The following GAS7 variants were observed in gnomAD, a reference collection of about 807,000 sequenced individuals.
GAS7 encodes growth arrest specific 7.
GAS7 carries 28 observed loss-of-function variants against 71.1 expected under a neutral mutation model. The ratio of observed to expected loss-of-function variants is 0.39; its 90% CI spans 0.29 to 0.54. The LOEUF is 0.54. Among genes scored for constraint, GAS7 ranks in the 20% least tolerant of loss-of-function variants. GAS7 has a pLI of 0.62. For synonymous variants in GAS7, 258 were observed against 245.8 expected, an observed-to-expected ratio of 1.05 and a Z score of -0.46; for missense variants, 436 against 627.8, an observed-to-expected ratio of 0.69 and a Z score of 3.27.
At chr17:10,137,184 T>C (rs1395928506) in intron 1 of GAS7, among the ~76,000 whole-genome samples, 3 of 152,060 alleles carry the variant, frequency 2.0e-5, no homozygotes, top group Non-Finnish European at 2.9e-5. Flanking sequence ...AACTCGAGCT[T>C]CGTGGGCATC....
chr17:10,020,434 G>C (rs745472661), intron 1 of GAS7, among the ~76,000 whole-genome samples: 3 of 152,218 alleles, frequency 2.0e-5, no homozygotes, highest in Non-Finnish European at 4.4e-5. Flanking sequence ...CAAGGGTCCA[G>C]ATCACTCTGG....
intron 2 of GAS7, among the ~76,000 whole-genome samples, chr17:10,014,577 A>G (rs1031793420): frequency 1.3e-5 from 2 of 152,082 alleles, no homozygotes; most frequent in Non-Finnish European, 2.9e-5. Flanking sequence ...GTCTTTACTC[A>G]TGCTGTAACC....
intron 4 of GAS7, among the ~76,000 whole-genome samples, chr17:9,965,331 C>T (rs1212523434): frequency 6.6e-6 from 1 of 152,152 alleles, no homozygotes; most frequent in Non-Finnish European, 1.5e-5. Flanking sequence ...GAATAGTATG[C>T]AGCCATAAAA....
At chr17:10,181,607 G>A (rs1364477147) in intron 1 of GAS7, among the ~76,000 whole-genome samples, 1 of 152,092 alleles carries the variant, frequency 6.6e-6, no homozygotes, top group Non-Finnish European at 1.5e-5. Context: ...ATAGACAGGG[G>A]TTGGGTCATG....
rs139293819 is a variant in GAS7 at position 10,160,191 on chromosome 17, C to G, written c.183+38017G>C. ...AAGGTGCTGGGATTACAGGCATGAG[C>G]GACCCTGTCTGGCCAGGTATGACCG... On this transcript the variant is annotated intron_variant, in intron 1 of 13. Coordinates refer to ENST00000432992, the MANE Select transcript of GAS7 (RefSeq NM_201433.2). Among the ~76,000 whole-genome samples, 289 of 152,238 alleles carry G rather than the reference C, an allele frequency of 1.9e-3. 2 individuals are homozygous for G. The East Asian group carries it at 0.029, about 15-fold the overall frequency.
At chr17:9,964,489 C>A (rs1211519352) in intron 4 of GAS7, among the ~76,000 whole-genome samples, 1 of 152,184 alleles carries the variant, frequency 6.6e-6, no homozygotes, top group Admixed American at 6.5e-5. Context: ...TAAGCCACAG[C>A]CACACTGGGT....
Position 9,926,976 on chromosome 17 carries a change from G to A in GAS7, c.886-207C>T, listed in dbSNP as rs1340679610. 16 of 579,280 alleles carry A rather than the reference G, an allele frequency of 2.8e-5. No homozygotes were observed. The highest frequency in any genetic ancestry group is 4.9e-5 in the Non-Finnish European group (16 of 323,462). 35.9% of individuals were successfully genotyped at this position (579,280 alleles called of 1,614,324 possible). Reference sequence around the variant, plus strand: ...TAGGCAGGTCACCTTAGCTCAGGAGGCCCCCACACACGTCTACAGGATAAG... The same window carrying A: ...TAGGCAGGTCACCTTAGCTCAGGAGACCCCCACACACGTCTACAGGATAAG... On this transcript the variant is annotated intron_variant, in intron 9 of 13. Coordinates refer to ENST00000432992, the MANE Select transcript of GAS7 (RefSeq NM_201433.2). This position sits in a 1 kb window ranked among gnomAD's most constrained non-coding sequence, Gnocchi z 5.0.
intron 1 of GAS7, among the ~76,000 whole-genome samples, chr17:10,159,822 G>A (rs1388604113): frequency 7.5e-6 from 1 of 132,454 alleles, no homozygotes; most frequent in Non-Finnish European, 1.5e-5. Flanking sequence ...GTCTCACTCT[G>A]TCGCCCAGGC....
chr17:10,190,964 T>C lies in GAS7; in HGVS notation c.183+7244A>G, dbSNP rs569413883. 2.1e-5 allele frequency among the ~76,000 whole-genome samples: 3 copies of C among 145,026 alleles called. No homozygotes were observed. In the South Asian group the frequency reaches 6.7e-4, roughly 32 times the overall value. ...GCCAAGGCAGGTGGATCACCTGAGGTGGGAAGTTCAAGACCAGACTGACCA... is the reference window on the plus strand; with the variant it reads ...GCCAAGGCAGGTGGATCACCTGAGGCGGGAAGTTCAAGACCAGACTGACCA... On this transcript the variant is annotated intron_variant, in intron 1 of 13. Coordinates refer to ENST00000432992, the MANE Select transcript of GAS7 (RefSeq NM_201433.2).
In GAS7 at chr17:10,103,145, G is replaced by C. The variant is rs1413517565; in HGVS notation, c.184-83248C>G. Among the ~76,000 whole-genome samples the C allele has an allele frequency of 6.6e-6, 1 of 150,874 alleles. No individual in the cohort carries two copies. ...GGTGGGCAGATTGCTAAGAGCCCAGGAGTTTGAGACCAGCCTGGGCAATAT... is the reference window on the plus strand; with the variant it reads ...GGTGGGCAGATTGCTAAGAGCCCAGCAGTTTGAGACCAGCCTGGGCAATAT... On this transcript the variant is annotated intron_variant, in intron 1 of 13. Coordinates refer to ENST00000432992, the MANE Select transcript of GAS7 (RefSeq NM_201433.2). The surrounding 1 kb of genome is among the most constrained non-coding windows in gnomAD (Gnocchi z 5.5).
intron 3 of GAS7, among the ~76,000 whole-genome samples, chr17:9,973,433 T>C (rs2070054731): frequency 6.6e-6 from 1 of 152,026 alleles, no homozygotes; most frequent in Admixed American, 6.6e-5. Context: ...TGTGTATTTT[T>C]AGTGGAGACG....
intron 1 of GAS7, among the ~76,000 whole-genome samples, chr17:10,064,065 G>T (rs1011599658): frequency 2.6e-5 from 4 of 152,272 alleles, no homozygotes; most frequent in African/African-American, 9.6e-5. Context: ...GCCAACAGAA[G>T]TTCAAAGATG....
intron 1 of GAS7, among the ~76,000 whole-genome samples, chr17:10,050,589 C>T (rs2073049583): frequency 1.3e-5 from 2 of 152,152 alleles, no homozygotes; most frequent in Admixed American, 1.3e-4. Context: ...GGACCACTCC[C>T]CAAGATGACC....
intron 1 of GAS7, among the ~76,000 whole-genome samples, chr17:10,057,089 C>G (rs1030315135): frequency 6.6e-5 from 10 of 152,210 alleles, no homozygotes; most frequent in South Asian, 2.1e-4. Context: ...GTCTCGTTCA[C>G]TCAGTGCTCA....
intron 1 of GAS7, among the ~76,000 whole-genome samples, chr17:10,085,691 C>CAAA (rs1194345705): frequency 0.013 from 727 of 57,804 alleles, 14 homozygotes; most frequent in African/African-American, 0.046. Context: ...GATTCCGTCT[C>CAAA]AAAAAAAAAA....
chr17:10,135,937 T>C (rs2074034245), intron 1 of GAS7, among the ~76,000 whole-genome samples: 1 of 152,168 alleles, frequency 6.6e-6, no homozygotes, highest in African/African-American at 2.4e-5. Context: ...CGAGACTTTT[T>C]GGAGTTCAGA....
At chr17:9,940,969 G>T (rs1160797451) in intron 7 of GAS7, among the ~76,000 whole-genome samples, 2 of 152,216 alleles carry the variant, frequency 1.3e-5, no homozygotes, top group Non-Finnish European at 2.9e-5. Flanking sequence ...GCTGGCCAGA[G>T]CCCAGGCTTC....
chr17:10,191,555 CAAA>C (rs59145222), intron 1 of GAS7, among the ~76,000 whole-genome samples: 14 of 88,110 alleles, frequency 1.6e-4, no homozygotes, highest in Admixed American at 2.6e-4. Context: ...GACCCTGTGT[CAAA>C]AAAAAAAAAA....
At chr17:9,998,200 A>T (rs1259626334) in intron 2 of GAS7, among the ~76,000 whole-genome samples, 2 of 152,196 alleles carry the variant, frequency 1.3e-5, no homozygotes, top group African/African-American at 4.8e-5. Flanking sequence ...CAAACAAGAG[A>T]CTAACATTCT....
Sources: allele counts gnomAD v4.1 joint callset (sites outside exome capture counted in the v4.1 genomes callset), GRCh38; gene constraint gnomAD v4.1.1; non-coding constraint Gnocchi (gnomAD v3.1); transcripts MANE v1.5; gene names NCBI Gene and HGNC (gene_info 2026-07-23, HGNC 2026-07-21).